IL34: variants seen among roughly 807,000 people sequenced by gnomAD.
The protein encoded by IL34 is interleukin 34, also known as interleukin-34.
A neutral mutation model predicts 25.3 loss-of-function variants in IL34; 17 were observed. The observed-to-expected ratio is 0.67, with a 90% CI of 0.46 to 1.01. IL34 has a LOEUF of 1.01. IL34 is among the 50% of genes least tolerant of loss of function. The pLI is 0.00. For missense variants in IL34, 368 were observed against 312.9 expected (o/e 1.18, Z -1.33); for synonymous variants, 174 against 140.9 (o/e 1.23, Z -1.66).
At chr16:70,588,539 A>G in intron 1 of IL34, among the ~76,000 whole-genome samples, 1 of 152,176 alleles carries the variant, frequency 6.6e-6, no homozygotes, top group African/African-American at 2.4e-5. Context: ...ACAATCCAGC[A>G]ATCCCACTTC....
intron 1 of IL34, among the ~76,000 whole-genome samples, chr16:70,624,234 G>T (rs930831596): frequency 6.6e-6 from 1 of 151,834 alleles, no homozygotes; most frequent in East Asian, 1.9e-4. Context: ...CCAGATTTCC[G>T]GCACGTGTAG....
chr16:70,625,931 A>G (rs1441625256), intron 1 of IL34, among the ~76,000 whole-genome samples: 1 of 152,222 alleles, frequency 6.6e-6, no homozygotes, highest in Non-Finnish European at 1.5e-5. Flanking sequence ...TGGTAGGTGG[A>G]TCTTTCTCAC....
At chr16:70,618,204 T>C (rs60020150) in intron 1 of IL34, among the ~76,000 whole-genome samples, 13,436 of 151,884 alleles carry the variant, frequency 0.088, 1,831 homozygotes, top group African/African-American at 0.29. Context: ...TGGTGTGTGG[T>C]GATTAGGCCT....
intron 1 of IL34, among the ~76,000 whole-genome samples, chr16:70,590,480 A>G (rs994835844): frequency 8.5e-5 from 13 of 152,220 alleles, no homozygotes; most frequent in African/African-American, 3.1e-4. Context: ...GATGGGACCC[A>G]GTCCAGACAA....
At chr16:70,649,854 T>C (rs2151874807) in intron 1 of IL34, among the ~76,000 whole-genome samples, 1 of 152,242 alleles carries the variant, frequency 6.6e-6, no homozygotes, top group Non-Finnish European at 1.5e-5. Flanking sequence ...GCTGGAGTGC[T>C]GCGGCACGAT....
chr16:70,582,406 G>A (rs1395585313), intron 1 of IL34, among the ~76,000 whole-genome samples: 2 of 152,258 alleles, frequency 1.3e-5, no homozygotes, highest in African/African-American at 4.8e-5. Flanking sequence ...GCTGTCACCG[G>A]GGTAGGTTAC....
intron 1 of IL34, among the ~76,000 whole-genome samples, chr16:70,587,343 C>T (rs1425686868): frequency 6.6e-6 from 1 of 152,072 alleles, no homozygotes; most frequent in Non-Finnish European, 1.5e-5. Flanking sequence ...AATCTGAGCT[C>T]ACTGCAAGCT....
intron 1 of IL34, among the ~76,000 whole-genome samples, chr16:70,583,711 G>A (rs557538616): frequency 2.7e-3 from 410 of 152,018 alleles, no homozygotes; most frequent in Non-Finnish European, 4.6e-3. Context: ...GGAGTGCAGT[G>A]GTGTGATCTC....
At chr16:70,609,182 A>T (rs2051054809) in intron 1 of IL34, among the ~76,000 whole-genome samples, 1 of 152,052 alleles carries the variant, frequency 6.6e-6, no homozygotes, top group African/African-American at 2.4e-5. Flanking sequence ...GGTTCAAGCA[A>T]TTCTCCCTGC....
chr16:70,658,339 CT>C (rs2052288439), intron 4 of IL34, among the ~76,000 whole-genome samples: 1 of 151,988 alleles, frequency 6.6e-6, no homozygotes, highest in Non-Finnish European at 1.5e-5. Flanking sequence ...CATTTTATTT[CT>C]TTTTTATTGT....
chr16:70,631,687 A>G (rs1474104717), intron 1 of IL34, among the ~76,000 whole-genome samples: 1 of 151,958 alleles, frequency 6.6e-6, no homozygotes, highest in African/African-American at 2.4e-5. Context: ...ACAAAGAAAA[A>G]CCTTTAGGTT....
At chr16:70,632,209 T>C (rs1364335503) in intron 1 of IL34, among the ~76,000 whole-genome samples, 1 of 151,976 alleles carries the variant, frequency 6.6e-6, no homozygotes, top group Non-Finnish European at 1.5e-5. Context: ...CACCAGTGAA[T>C]ATGGAGGAGC....
At chr16:70,643,750 G>A (rs115339877), upstream of IL34, among the ~76,000 whole-genome samples, 824 of 152,248 alleles carry the variant, frequency 5.4e-3, 4 homozygotes, top group African/African-American at 0.019. Flanking sequence ...GACTTAAGAT[G>A]CACATCAGAG....
intron 2 of IL34, among the ~76,000 whole-genome samples, chr16:70,655,512 C>T (rs908254934): frequency 6.6e-6 from 1 of 152,070 alleles, no homozygotes; most frequent in Non-Finnish European, 1.5e-5. Context: ...CTCAGCCTCC[C>T]AAGTAGCTGG....
chr16:70,609,158 A>C (rs569925635), intron 1 of IL34, among the ~76,000 whole-genome samples: 1 of 152,060 alleles, frequency 6.6e-6, no homozygotes, highest in South Asian at 2.1e-4. Flanking sequence ...GCTCACTGCA[A>C]CCTCCGCCTC....
At chr16:70,614,813 AAATGACAGAGGC>A (rs1215408795) in intron 1 of IL34, among the ~76,000 whole-genome samples, 3 of 152,220 alleles carry the variant, frequency 2.0e-5, no homozygotes, top group Non-Finnish European at 2.9e-5. Flanking sequence ...CCTTGATTAT[AAATGACAGAGGC>A]TCTGTTGGAA....
chr16:70,603,236 A>G (rs2050945283), intron 1 of IL34, among the ~76,000 whole-genome samples: 1 of 152,120 alleles, frequency 6.6e-6, no homozygotes, highest in African/African-American at 2.4e-5. Flanking sequence ...AACATGTTCA[A>G]ATTTAGATAC....
At chr16:70,643,368 C>A (rs1351950058), upstream of IL34, among the ~76,000 whole-genome samples, 2 of 151,820 alleles carry the variant, frequency 1.3e-5, no homozygotes, top group Non-Finnish European at 2.9e-5. Context: ...CTGGCTGTTG[C>A]ACACTTTATT....
intron 1 of IL34, among the ~76,000 whole-genome samples, chr16:70,624,320 G>A (rs1034267267): frequency 1.3e-5 from 2 of 152,192 alleles, no homozygotes; most frequent in South Asian, 2.1e-4. Context: ...CTTGTGTGCT[G>A]GAGATGTGGC....
Sources: allele counts gnomAD v4.1 joint callset (sites outside exome capture counted in the v4.1 genomes callset), GRCh38; gene constraint gnomAD v4.1.1; transcripts MANE v1.5; gene names NCBI Gene and HGNC (gene_info 2026-07-23, HGNC 2026-07-21).